The following VSIG10 variants were observed in gnomAD, a reference collection of about 807,000 sequenced individuals.
The protein encoded by VSIG10 is V-set and immunoglobulin domain containing 10, also known as V-set and immunoglobulin domain-containing protein 10.
A neutral mutation model predicts 58.7 loss-of-function variants in VSIG10; 48 were observed. The observed-to-expected ratio is 0.82, with a 90% CI of 0.65 to 1.04. VSIG10 has a LOEUF of 1.04. VSIG10 is among the 50% of genes least tolerant of loss of function. The pLI is 0.00. For missense variants in VSIG10, 628 were observed against 670.0 expected, an observed-to-expected ratio of 0.94 and a Z score of 0.69; for synonymous variants, 260 against 267.1, an observed-to-expected ratio of 0.97 and a Z score of 0.26.
intron 4 of VSIG10, among the ~76,000 whole-genome samples, chr12:118,078,457 C>G (rs116388572): frequency 1.2e-3 from 186 of 152,254 alleles, no homozygotes; most frequent in African/African-American, 4.3e-3. Flanking sequence ...CCACGCCCAG[C>G]CACTGCTGGT....
chr12:118,079,139 G>A (rs1391578955), intron 4 of VSIG10, among the ~76,000 whole-genome samples: 1 of 151,982 alleles, frequency 6.6e-6, no homozygotes. Flanking sequence ...GTGGAAAATA[G>A]CTGGGACTAG....
At chr12:118,094,257 TTTGA>T (rs1472450715) in intron 2 of VSIG10, among the ~76,000 whole-genome samples, 1 of 152,176 alleles carries the variant, frequency 6.6e-6, no homozygotes, top group East Asian at 1.9e-4. Flanking sequence ...CGCACCTGGC[TTTGA>T]TTATGATATA....
rs1436400389 is a variant in VSIG10 at position 118,063,930 on chromosome 12, GC to G, written c.*2708del. The G allele has an allele frequency of 1.3e-5, 2 of 152,130 alleles. No individual in the cohort carries two copies. The highest frequency in any genetic ancestry group is 2.9e-5 in the Non-Finnish European group (2 of 68,010). The allele number at this position is 152,130 out of a possible 1,614,324, so 9.4% of individuals were successfully genotyped here. A position where few individuals can be genotyped will look rare whatever the true frequency, so the allele number is the denominator to read the frequency against. On this transcript the variant is annotated 3_prime_UTR_variant, in exon 9 of 9. Transcript: ENST00000359236. Reference sequence around the variant, plus strand: ...ATATCAAAGCCACAGAATTGTGGAGGCCCCCTTCCCAGGCTCCACCAGGGTT... The same window carrying G: ...ATATCAAAGCCACAGAATTGTGGAGGCCCCTTCCCAGGCTCCACCAGGGTT...
chr12:118,080,942 A>T (rs2032926470), intron 3 of VSIG10, among the ~76,000 whole-genome samples: 1 of 152,132 alleles, frequency 6.6e-6, no homozygotes, highest in African/African-American at 2.4e-5. Context: ...ATCTGGGATA[A>T]CAAAAATGTT....
intron 1 of VSIG10, among the ~76,000 whole-genome samples, chr12:118,100,589 G>A (rs1339772746): frequency 1.3e-5 from 2 of 152,084 alleles, no homozygotes; most frequent in South Asian, 2.1e-4. Context: ...GGAGTGCAAG[G>A]CGTAATTTCG....
intron 1 of VSIG10, among the ~76,000 whole-genome samples, chr12:118,097,949 G>T (rs1171243598): frequency 6.6e-6 from 1 of 151,936 alleles, no homozygotes; most frequent in African/African-American, 2.4e-5. Context: ...CAAACTACAT[G>T]GTACAGACCC....
chr12:118,082,695 G>A (rs893489624), intron 2 of VSIG10, among the ~76,000 whole-genome samples: 47 of 151,994 alleles, frequency 3.1e-4, no homozygotes, highest in Non-Finnish European at 1.0e-4. Flanking sequence ...AAACTGTAAG[G>A]GCTAGGCACA....
intron 4 of VSIG10, among the ~76,000 whole-genome samples, chr12:118,075,118 A>ATATATATGTGTATATATG (rs1234944973): frequency 6.8e-6 from 1 of 147,778 alleles, no homozygotes; most frequent in Non-Finnish European, 1.5e-5. Flanking sequence ...GTGTATATGT[A>ATATATATGTGTATATATG]TATATATGTG....
intron 2 of VSIG10, among the ~76,000 whole-genome samples, chr12:118,089,785 C>T (rs1173989549): frequency 6.6e-6 from 1 of 152,132 alleles, no homozygotes; most frequent in Admixed American, 6.6e-5. Flanking sequence ...TACTTCTGAT[C>T]CAGCAGCGAG....
chr12:118,093,529 A>G (rs866701338), intron 2 of VSIG10, among the ~76,000 whole-genome samples: 30 of 152,128 alleles, frequency 2.0e-4, no homozygotes, highest in Admixed American at 4.6e-4. Flanking sequence ...CCATATGTGT[A>G]TATCAGCAGA....
In VSIG10 at chr12:118,084,707, C is replaced by T. The variant is rs538131748; in HGVS notation, c.362-2278G>A. ...CCACCTGGCCAACATGGTGAAACCC[C>T]ATCTCTACTAAAAATACAAAAATCA... On this transcript the variant is annotated intron_variant, in intron 2 of 8. Transcript: ENST00000359236. Among the ~76,000 whole-genome samples, 6 of 152,194 alleles carry T rather than the reference C, an allele frequency of 3.9e-5. No individual in the cohort carries two copies. In the East Asian group the frequency reaches 7.7e-4, roughly 20 times the overall value.
intron 1 of VSIG10, among the ~76,000 whole-genome samples, chr12:118,100,092 G>A (rs1207412639): frequency 3.3e-5 from 5 of 152,360 alleles, no homozygotes; most frequent in Middle Eastern, 6.8e-3. Flanking sequence ...GGTGAGGGCC[G>A]GGGGCGGTGG....
intron 2 of VSIG10, among the ~76,000 whole-genome samples, chr12:118,089,869 G>A (rs985007753): frequency 6.6e-6 from 1 of 152,058 alleles, no homozygotes; most frequent in African/African-American, 2.4e-5. Context: ...CACCCTGTCT[G>A]GTCACCGACT....
chr12:118,064,147 T>TG lies in VSIG10; in HGVS notation c.*2491dup, dbSNP rs2032168558. The TG allele has an allele frequency of 2.6e-5, 4 of 152,216 alleles. No individual in the cohort carries two copies. The highest frequency in any genetic ancestry group is 2.6e-4 in the Admixed American group (4 of 15,276). 9.4% of individuals were successfully genotyped at this position (152,216 alleles called of 1,614,324 possible). A position where few individuals can be genotyped will look rare whatever the true frequency, so the allele number is the denominator to read the frequency against. On this transcript the variant is annotated 3_prime_UTR_variant, in exon 9 of 9. Coordinates refer to ENST00000359236, the MANE Select transcript of VSIG10 (RefSeq NM_019086.6). Reference sequence around the variant, plus strand: ...GTCAACAAGCTTGTGGATTTGGGCATGGATCGTCTTAAAGAAGCCCGAATT... The same window carrying TG: ...GTCAACAAGCTTGTGGATTTGGGCATGGGATCGTCTTAAAGAAGCCCGAATT...
At chr12:118,087,491 T>C (rs78148650) in intron 2 of VSIG10, among the ~76,000 whole-genome samples, 61 of 152,238 alleles carry the variant, frequency 4.0e-4, no homozygotes, top group African/African-American at 1.4e-3. Context: ...TTGGAATTTG[T>C]TCCCCCTAGA....
In VSIG10 at chr12:118,073,921, C is replaced by T. The variant is rs9668527; in HGVS notation, c.997G>A (p.Val333Met). 0.012 allele frequency: 19,303 copies of T among 1,612,478 alleles called. 813 individuals carry two copies. The highest frequency in any genetic ancestry group is 0.11 in the East Asian group (4,898 of 44,842). Reference sequence around the variant, plus strand: ...TTGGCAGGGGGGTAGGCCCCAGACACCTGGCATGTAAGCGTCACATTGCCC... The same window carrying T: ...TTGGCAGGGGGGTAGGCCCCAGACATCTGGCATGTAAGCGTCACATTGCCC... ...TGGNVTLTCQ[V>M]SGAYPPAKIL... Residue 333 changes from valine to methionine, a missense_variant, in exon 5 of 9, where the codon GTG becomes ATG. By Grantham distance (21) the Val-to-Met change is conservative (BLOSUM62 1). Transcript: ENST00000359236.
intron 4 of VSIG10, among the ~76,000 whole-genome samples, chr12:118,076,138 A>G (rs971285174): frequency 1.3e-5 from 2 of 152,186 alleles, no homozygotes; most frequent in Non-Finnish European, 2.9e-5. Context: ...ATTGTGACAA[A>G]CTTAGTGGCT....
intron 1 of VSIG10, among the ~76,000 whole-genome samples, chr12:118,098,479 T>TG (rs1463679317): frequency 3.9e-5 from 6 of 152,192 alleles, no homozygotes; most frequent in African/African-American, 1.4e-4. Context: ...GTAGGGACTG[T>TG]GTGCCCACTC....
rs1201742795 is a variant in VSIG10 at position 118,093,439 on chromosome 12, G to A, written c.361+2094C>T. Among the ~76,000 whole-genome samples, 8 of 151,482 alleles carry A rather than the reference G, an allele frequency of 5.3e-5. No homozygotes were observed. The South Asian group carries it at 6.2e-4, about 12-fold the overall frequency. On this transcript the variant is annotated intron_variant, in intron 2 of 8. Coordinates refer to ENST00000359236, the MANE Select transcript of VSIG10 (RefSeq NM_019086.6). ...TAACCAAGCTGGTTCCAAACTCTTC[G>A]CTCAAATGATTCTCCCACCTCAGCC...
Sources: gnomAD v4.1 joint callset for allele counts (sites outside exome capture counted in the v4.1 genomes callset) on GRCh38, gnomAD v4.1.1 for gene constraint, MANE v1.5 for transcripts, NCBI Gene and HGNC (gene_info 2026-07-23, HGNC 2026-07-21) for gene names.